Variants in NUDT3 observed in about 807,000 individuals in gnomAD.
NUDT3 encodes the protein nudix hydrolase 3.
In NUDT3, 9 loss-of-function variants were observed where a neutral mutation model predicts 23.6. That is an observed-to-expected ratio of 0.38 (90% confidence interval 0.23 to 0.66). The LOEUF is 0.66. Among genes scored for constraint, NUDT3 ranks in the 30% least tolerant of loss-of-function variants. The pLI is 0.52. For synonymous variants in NUDT3, 86 were observed against 82.6 expected, an observed-to-expected ratio of 1.04 and a Z score of -0.22; for missense variants, 172 against 218.5, an observed-to-expected ratio of 0.79 and a Z score of 1.34.
intron 1 of NUDT3, among the ~76,000 whole-genome samples, chr6:34,368,665 G>A (rs761911742): frequency 1.2e-4 from 19 of 152,126 alleles, no homozygotes; most frequent in Non-Finnish European, 2.9e-5. Flanking sequence ...TTGAGACAGA[G>A]TCTCACTCTG....
At chr6:34,329,533 G>A (rs2113725036) in intron 2 of NUDT3, among the ~76,000 whole-genome samples, 1 of 152,160 alleles carries the variant, frequency 6.6e-6, no homozygotes, top group South Asian at 2.1e-4. Context: ...CGCCTGCCTT[G>A]GCCTCCCAAA....
chr6:34,319,935 A>T (rs1024740297), intron 2 of NUDT3, among the ~76,000 whole-genome samples: 12 of 152,206 alleles, frequency 7.9e-5, no homozygotes, highest in African/African-American at 2.7e-4. Context: ...ACATTATAAC[A>T]AAAGACTGTT....
chr6:34,322,285 C>A (rs563635901), intron 2 of NUDT3, among the ~76,000 whole-genome samples: 3 of 151,612 alleles, frequency 2.0e-5, no homozygotes, highest in South Asian at 4.2e-4. Context: ...GGCTGGAGTG[C>A]AGTGGCACGA....
intron 2 of NUDT3, among the ~76,000 whole-genome samples, chr6:34,313,270 T>A (rs1763803498): frequency 6.6e-6 from 1 of 152,142 alleles, no homozygotes; most frequent in Non-Finnish European, 1.5e-5. Context: ...CTACATACTG[T>A]ATATTCCAAC....
At chr6:34,306,774 A>G (rs1723155790) in intron 2 of NUDT3, among the ~76,000 whole-genome samples, 1 of 152,240 alleles carries the variant, frequency 6.6e-6, no homozygotes, top group African/African-American at 2.4e-5. Flanking sequence ...ATTATAACAC[A>G]GACCACTAAA....
intron 1 of NUDT3, among the ~76,000 whole-genome samples, chr6:34,362,296 A>G (rs1249497011): frequency 1.3e-5 from 2 of 152,178 alleles, no homozygotes; most frequent in Non-Finnish European, 2.9e-5. Context: ...CTGCCACCTC[A>G]GCCTCCGGAG....
rs556407989 is a variant in NUDT3, at chr6:34,345,631, C to CTAGCA, written c.100-3664_100-3660dup. On this transcript the variant is annotated intron_variant, in intron 1 of 4. Transcript: ENST00000607016. ...TGAACCGAGATTGCGCCACGGCAGTCTAGCATGGGCGACAGAGCGAGACTC... is the reference window on the plus strand; with the variant it reads ...TGAACCGAGATTGCGCCACGGCAGTCTAGCATAGCATGGGCGACAGAGCGAGACTC... Among the ~76,000 whole-genome samples, 564 of 138,492 alleles carry CTAGCA rather than the reference C, an allele frequency of 4.1e-3. 1 individual carries two copies. The highest frequency in any genetic ancestry group is 0.014 in the African/African-American group (534 of 37,066). 90.9% of individuals were successfully genotyped at this position (138,492 alleles called of 152,430 possible).
chr6:34,381,517 A>C (rs1389694005), intron 1 of NUDT3, among the ~76,000 whole-genome samples: 1 of 151,432 alleles, frequency 6.6e-6, no homozygotes, highest in African/African-American at 2.4e-5. Context: ...TTGAACCTAC[A>C]AAAAAAAACC....
At chr6:34,291,074 C>T (rs1763414681) in intron 4 of NUDT3, among the ~76,000 whole-genome samples, 1 of 151,984 alleles carries the variant, frequency 6.6e-6, no homozygotes, top group African/African-American at 2.4e-5. Flanking sequence ...ATTCTCCTGC[C>T]TCAGCCCCCA....
In NUDT3 at chr6:34,283,713, C is replaced by A. The variant is rs1763304709; in HGVS notation, c.*5040G>T. 6.6e-6 allele frequency: 1 copy of A among 152,186 alleles called. No individual in the cohort carries two copies. The highest frequency in any genetic ancestry group is 1.5e-5 in the Non-Finnish European group (1 of 68,042). The allele number at this position is 152,186 out of a possible 1,614,324, so 9.4% of individuals were successfully genotyped here. ...GCAGGGTTTGTGAAAGGCTGCTGGC[C>A]TCCAAAGGAGAGTATGCCTAAACTC... is the stretch of plus-strand genomic sequence containing the variant. On this transcript the variant is annotated 3_prime_UTR_variant, in exon 5 of 5. Transcript: ENST00000607016.
At chr6:34,301,675 C>A (rs1019839222) in intron 2 of NUDT3, among the ~76,000 whole-genome samples, 11 of 152,204 alleles carry the variant, frequency 7.2e-5, no homozygotes, top group African/African-American at 2.7e-4. Flanking sequence ...TCTGAATAGT[C>A]CAGCTGACAC....
chr6:34,286,814 G>T lies in NUDT3; in HGVS notation c.*1939C>A, dbSNP rs1385443150. On this transcript the variant is annotated 3_prime_UTR_variant, in exon 5 of 5. Transcript: ENST00000607016. ...ATTTTTTTTTTTTTTTTTTGAGATG[G>T]AGTTTCACTCTTATCACCCAGGCTG... The T allele has an allele frequency of 7.1e-6, 1 of 141,774 alleles. No individual in the cohort carries two copies. Among genetic ancestry groups the T allele is most frequent in the Non-Finnish European group, 1.5e-5 (1 of 65,026 alleles). The allele number at this position is 141,774 out of a possible 1,614,324, so 8.8% of individuals were successfully genotyped here.
intron 2 of NUDT3, among the ~76,000 whole-genome samples, chr6:34,312,904 C>T (rs1451206041): frequency 6.6e-6 from 1 of 152,162 alleles, no homozygotes; most frequent in Admixed American, 6.5e-5. Flanking sequence ...TGGTGGCTCA[C>T]GTCTATAATC....
chr6:34,329,843 C>T (rs566718518), intron 2 of NUDT3, among the ~76,000 whole-genome samples: 108 of 152,160 alleles, frequency 7.1e-4, no homozygotes, highest in African/African-American at 2.5e-3. Flanking sequence ...TGTTCCGCAC[C>T]CTGTGTCCAA....
At chr6:34,339,503 T>G (rs1167096934) in intron 2 of NUDT3, among the ~76,000 whole-genome samples, 2 of 152,214 alleles carry the variant, frequency 1.3e-5, no homozygotes, top group Non-Finnish European at 2.9e-5. Flanking sequence ...ACAGTAGATC[T>G]GGGTTGGGGT....
intron 1 of NUDT3, among the ~76,000 whole-genome samples, chr6:34,363,353 G>A (rs1342923977): frequency 6.6e-6 from 1 of 152,114 alleles, no homozygotes; most frequent in Non-Finnish European, 1.5e-5. Flanking sequence ...TTTCACTCAA[G>A]GCAGGCAACT....
rs117699346 is a variant in NUDT3 at position 34,345,005 on chromosome 6, A to G, written c.100-3033T>C. On this transcript the variant is annotated intron_variant, in intron 1 of 4. Coordinates refer to ENST00000607016, the MANE Select transcript of NUDT3 (RefSeq NM_006703.4). Reference sequence around the variant, plus strand: ...ATGTTACATGAATTCCATTTTGATTAAAAAAAAAGAAAACTAGTTTTGCAA... The same window carrying G: ...ATGTTACATGAATTCCATTTTGATTGAAAAAAAAGAAAACTAGTTTTGCAA... Among the ~76,000 whole-genome samples the G allele has an allele frequency of 4.8e-4, 73 of 150,906 alleles. 1 individual carries two copies. The East Asian group carries it at 0.011, about 23-fold the overall frequency.
Position 34,297,747 on chromosome 6 carries a change from ATATATATATATAAT to A in NUDT3, c.211-2076_211-2063del, listed in dbSNP as rs1204622424. On this transcript the variant is annotated intron_variant, in intron 2 of 4. Transcript: ENST00000607016. Reference sequence around the variant, plus strand: ...AAAAAAAAAATATATATATATATATATATATATATATAATTTTTTTTTTTTTTTTAGTAGAGACG... The same window carrying A: ...AAAAAAAAAATATATATATATATATATTTTTTTTTTTTTTTAGTAGAGACG... Among the ~76,000 whole-genome samples the A allele has an allele frequency of 9.1e-4, 101 of 111,002 alleles. 4 individuals are homozygous for A. Among genetic ancestry groups the A allele is most frequent in the African/African-American group, 3.7e-3 (95 of 25,878 alleles). The allele number at this position is 111,002 out of a possible 152,430, so 72.8% of individuals were successfully genotyped here. A position where few individuals can be genotyped will look rare whatever the true frequency, so the allele number is the denominator to read the frequency against.
At chr6:34,331,074 C>T (rs550912781) in intron 2 of NUDT3, among the ~76,000 whole-genome samples, 7 of 152,194 alleles carry the variant, frequency 4.6e-5, no homozygotes, top group African/African-American at 1.2e-4. Flanking sequence ...AGGCTAGTCT[C>T]GAACTCCTGA....
Sources: allele counts gnomAD v4.1 joint callset (sites outside exome capture counted in the v4.1 genomes callset), GRCh38; gene constraint gnomAD v4.1.1; transcripts MANE v1.5; gene names NCBI Gene and HGNC (gene_info 2026-07-23, HGNC 2026-07-21).